The following PPP2R1A variants were observed in gnomAD, a reference collection of about 807,000 sequenced individuals.
PPP2R1A encodes the protein serine/threonine-protein phosphatase 2A 65 kDa regulatory subunit A alpha isoform.
In PPP2R1A, 15 loss-of-function variants were observed where a neutral mutation model predicts 67.1. The ratio of observed to expected loss-of-function variants is 0.22; its 90% confidence interval spans 0.15 to 0.34. The LOEUF (loss-of-function observed/expected upper bound fraction) is 0.34, where lower values mean the gene tolerates loss of function less well. Ranked by LOEUF, PPP2R1A falls within the 10% of genes least tolerant of loss-of-function variation. PPP2R1A has a pLI of 1.00. For synonymous variants in PPP2R1A, 337 were observed against 325.0 expected (o/e 1.04, Z -0.40); for missense variants, 369 against 775.0 (o/e 0.48, Z 6.22).
At chr19:52,206,960 C>G (rs560471193) in intron 3 of PPP2R1A, among the ~76,000 whole-genome samples, 1 of 152,210 alleles carries the variant, frequency 6.6e-6, no homozygotes, top group Non-Finnish European at 1.5e-5. Context: ...AGCCTTTCTC[C>G]TAGCTCTAGT....
Position 52,216,991 on chromosome 19 carries a change from A to T in PPP2R1A, c.1128+328A>T, listed in dbSNP as rs1414929186. On this transcript the variant is annotated intron_variant, in intron 9 of 14. Coordinates refer to ENST00000322088, the MANE Select transcript of PPP2R1A (RefSeq NM_014225.6). This position sits in a 1 kb window ranked among gnomAD's most constrained non-coding sequence, Gnocchi z 4.3. ...GATCACCTGAGGTCAGGAGTTCGAGACCAGCCTGGCCAACATGATGAAACC... is the reference window on the plus strand; with the variant it reads ...GATCACCTGAGGTCAGGAGTTCGAGTCCAGCCTGGCCAACATGATGAAACC... 6.6e-6 allele frequency among the ~76,000 whole-genome samples: 1 copy of T among 152,104 alleles called. No homozygotes were observed. The highest frequency in any genetic ancestry group is 1.5e-5 in the Non-Finnish European group (1 of 68,006).
chr19:52,218,360 G>A (rs1440480294), intron 9 of PPP2R1A, among the ~76,000 whole-genome samples: 1 of 151,964 alleles, frequency 6.6e-6, no homozygotes, highest in African/African-American at 2.4e-5. Context: ...TTCTGTTACA[G>A]TGGAGTAATC....
chr19:52,197,162 C>G (rs1475670762), intron 1 of PPP2R1A, among the ~76,000 whole-genome samples: 1 of 152,182 alleles, frequency 6.6e-6, no homozygotes, highest in Non-Finnish European at 1.5e-5. Context: ...TTACATTTAA[C>G]TTCCCTTCTG....
chr19:52,191,964 ACT>A (rs1024981175), intron 1 of PPP2R1A, among the ~76,000 whole-genome samples: 17 of 151,840 alleles, frequency 1.1e-4, no homozygotes, highest in Non-Finnish European at 2.5e-4. Context: ...GACAGAAAAA[ACT>A]CTAGGCCTTG....
chr19:52,195,304 A>G (rs776354549), intron 1 of PPP2R1A, among the ~76,000 whole-genome samples: 14 of 152,254 alleles, frequency 9.2e-5, no homozygotes, highest in Admixed American at 3.3e-4. Context: ...ATGGAACCAT[A>G]TGGGTGGACT....
rs775755972 is a variant in PPP2R1A at position 52,206,030 on chromosome 19, G to T, written c.237G>T (p.Leu79=). The change falls in exon 3 of 15, where the codon CTG becomes CTT. Residue 79 remains leucine, a synonymous_variant. Coordinates refer to ENST00000322088, the MANE Select transcript of PPP2R1A (RefSeq NM_014225.6). ...AACAGCTGGGAACCTTCACTACCCT[G>T]GTGGGAGGCCCAGAGTACGTGCACT... ...LAEQLGTFTT[L]VGGPEYVHCL... is the part of the protein sequence containing the mutation. 1.2e-5 allele frequency: 19 copies of T among 1,614,152 alleles called. No individual in the cohort carries two copies. Among genetic ancestry groups the T allele is most frequent in the Non-Finnish European group, 1.6e-5 (19 of 1,179,994 alleles).
chr19:52,209,099 G>A (rs1367273405), intron 3 of PPP2R1A, among the ~76,000 whole-genome samples: 2 of 152,172 alleles, frequency 1.3e-5, no homozygotes, highest in South Asian at 2.1e-4. Flanking sequence ...TCTGCTGCAG[G>A]GTGGTCAGGG....
Position 52,211,599 on chromosome 19 carries a change from C to G in PPP2R1A, c.503+107C>G, listed in dbSNP as rs2089671454. The G allele has an allele frequency of 1.8e-6, 2 of 1,128,738 alleles. No homozygotes were observed. Among genetic ancestry groups the G allele is most frequent in the East Asian group, 2.5e-5 (1 of 40,238 alleles). 69.9% of individuals were successfully genotyped at this position (1,128,738 alleles called of 1,614,324 possible). ...GCTGGGGCCCAAATGCCCCTGAACT[C>G]TCTCCACTCCCACTCCTGCTTACCA... is the stretch of plus-strand genomic sequence containing the variant. On this transcript the variant is annotated intron_variant, in intron 4 of 14. Coordinates refer to ENST00000322088, the MANE Select transcript of PPP2R1A (RefSeq NM_014225.6). The surrounding 1 kb of genome is among the most constrained non-coding windows in gnomAD (Gnocchi z 5.3).
At chr19:52,206,286 A>G (rs575904237) in intron 3 of PPP2R1A, among the ~76,000 whole-genome samples, 56 of 152,304 alleles carry the variant, frequency 3.7e-4, no homozygotes, top group African/African-American at 1.3e-3. Flanking sequence ...GTAGGTGCCC[A>G]GTGCCAGGCC....
chr19:52,221,607 A>C (rs1490557465), intron 12 of PPP2R1A, among the ~76,000 whole-genome samples: 1 of 152,152 alleles, frequency 6.6e-6, no homozygotes, highest in East Asian at 1.9e-4. Flanking sequence ...ACTGGTAATC[A>C]CAGCCTGGTG....
chr19:52,226,040 C>T lies in PPP2R1A; in HGVS notation c.*59C>T, dbSNP rs1017452504. 8 of 1,612,432 alleles carry T rather than the reference C, an allele frequency of 5.0e-6. No individual in the cohort carries two copies. The Admixed American group carries it at 1.3e-4, about 27-fold the overall frequency. On this transcript the variant is annotated 3_prime_UTR_variant, in exon 15 of 15. Coordinates refer to ENST00000322088, the MANE Select transcript of PPP2R1A (RefSeq NM_014225.6). ...TCCACCCTCCAACCCCCACAAGTCC[C>T]TCTTTGGGGAGACACTGGGGGGCCT...
rs1266619057 is a variant in PPP2R1A, at chr19:52,221,206, G to T, written c.1518+73G>T. ...CGTGGGAGAGGAGGGATGCTAGAGG[G>T]TTCCCCAAGGGAGACACCTGGCTTG... On this transcript the variant is annotated intron_variant, in intron 12 of 14. Coordinates refer to ENST00000322088, the MANE Select transcript of PPP2R1A (RefSeq NM_014225.6). The T allele has an allele frequency of 6.3e-6, 10 of 1,581,730 alleles. No homozygotes were observed. The Admixed American group carries it at 1.7e-4, about 27-fold the overall frequency.
intron 6 of PPP2R1A, among the ~76,000 whole-genome samples, chr19:52,214,888 A>C (rs955252967): frequency 6.6e-6 from 1 of 151,994 alleles, no homozygotes; most frequent in African/African-American, 2.4e-5. Context: ...CACCACACCC[A>C]GCTAATTTTG....
In PPP2R1A at chr19:52,225,011, CTTTTTTTTT is replaced by C. The variant is rs61015844; in HGVS notation, c.1662-691_1662-683del. 6.9e-5 allele frequency among the ~76,000 whole-genome samples: 7 copies of C among 101,074 alleles called. No homozygotes were observed. The South Asian group carries it at 1.8e-3, about 26-fold the overall frequency. The allele number at this position is 101,074 out of a possible 152,430, so 66.3% of individuals were successfully genotyped here. A position where few individuals can be genotyped will look rare whatever the true frequency, so the allele number is the denominator to read the frequency against. ...CCCCCGTGCTCGGCCTTGAGTTTAC[CTTTTTTTTT>C]TTTTTTTTTTTTTTGAGACGGAGTT... On this transcript the variant is annotated intron_variant, in intron 13 of 14. Transcript: ENST00000322088.
intron 1 of PPP2R1A, among the ~76,000 whole-genome samples, chr19:52,198,034 G>T (rs1226248018): frequency 6.6e-6 from 1 of 152,208 alleles, no homozygotes; most frequent in Non-Finnish European, 1.5e-5. Flanking sequence ...TCAGTGAGGC[G>T]TGGTTGCCAC....
chr19:52,204,466 C>T (rs2089582555), intron 2 of PPP2R1A, among the ~76,000 whole-genome samples: 1 of 152,156 alleles, frequency 6.6e-6, no homozygotes, highest in South Asian at 2.1e-4. Context: ...GGAGGGTTGA[C>T]AGGCTTGGCT....
chr19:52,209,102 G>A (rs1456993332), intron 3 of PPP2R1A, among the ~76,000 whole-genome samples: 1 of 152,186 alleles, frequency 6.6e-6, no homozygotes, highest in Non-Finnish European at 1.5e-5. Context: ...GCTGCAGGGT[G>A]GTCAGGGATC....
intron 13 of PPP2R1A, among the ~76,000 whole-genome samples, chr19:52,224,572 A>T (rs1235255473): frequency 6.6e-6 from 1 of 152,188 alleles, no homozygotes; most frequent in Non-Finnish European, 1.5e-5. Context: ...TGGGCCTCAG[A>T]GACTTGGGGG....
rs1979269376 is a variant in PPP2R1A, at chr19:52,226,450, A to T, written c.*469A>T. On this transcript the variant is annotated 3_prime_UTR_variant, in exon 15 of 15. Coordinates refer to ENST00000322088, the MANE Select transcript of PPP2R1A (RefSeq NM_014225.6). ...CCTCTGGCCTTAGTCATCAGCTTGG[A>T]GGAGGGGGCACCACCCCAGAGCCAC... The T allele has an allele frequency of 4.0e-6, 1 of 249,234 alleles. No homozygotes were observed. The highest frequency in any genetic ancestry group is 7.8e-6 in the Non-Finnish European group (1 of 128,350). The allele number at this position is 249,234 out of a possible 1,614,324, so 15.4% of individuals were successfully genotyped here.
Sources: allele counts gnomAD v4.1 joint callset (sites outside exome capture counted in the v4.1 genomes callset), GRCh38; gene constraint gnomAD v4.1.1; non-coding constraint Gnocchi (gnomAD v3.1); transcripts MANE v1.5; gene names NCBI Gene and HGNC (gene_info 2026-07-23, HGNC 2026-07-21).